The following ERC2 variants were observed in gnomAD, a reference collection of about 807,000 sequenced individuals.
ERC2 encodes ELKS/RAB6-interacting/CAST family member 2, also known as ERC protein 2.
In ERC2, 42 loss-of-function variants were observed where a neutral mutation model predicts 114.8. That is an observed-to-expected ratio of 0.37 (90% CI 0.29 to 0.47). The LOEUF is 0.47. Among genes scored for constraint, ERC2 ranks in the 20% least tolerant of loss-of-function variants. The pLI is 0.99. For synonymous variants in ERC2, 454 were observed against 425.5 expected (o/e 1.07, Z -0.82); for missense variants, 939 against 1,150.7 (o/e 0.82, Z 2.66).
intron 14 of ERC2, among the ~76,000 whole-genome samples, chr3:55,744,526 A>G (rs1372170774): frequency 6.6e-6 from 1 of 152,256 alleles, no homozygotes; most frequent in Admixed American, 6.5e-5. Context: ...ATGTTTGCAC[A>G]GGAATGTGAC....
chr3:55,703,419 A>G (rs1315441951), intron 15 of ERC2, among the ~76,000 whole-genome samples: 2 of 152,084 alleles, frequency 1.3e-5, no homozygotes, highest in Non-Finnish European at 2.9e-5. Flanking sequence ...CTTAGCTTCA[A>G]TGCCATCATC....
At chr3:55,694,477 C>T (rs571896531) in intron 16 of ERC2, among the ~76,000 whole-genome samples, 1 of 152,330 alleles carries the variant, frequency 6.6e-6, no homozygotes, top group African/African-American at 2.4e-5. Context: ...TGCTCCTAAA[C>T]TCATAGCCCT....
At chr3:56,104,417 AC>A (rs2078532866) in intron 6 of ERC2, among the ~76,000 whole-genome samples, 1 of 152,188 alleles carries the variant, frequency 6.6e-6, no homozygotes, top group Non-Finnish European at 1.5e-5. Context: ...TTGAGGCCAA[AC>A]CCCAAAGACC....
At chr3:56,016,189 G>A (rs987237417) in intron 8 of ERC2, among the ~76,000 whole-genome samples, 1 of 152,060 alleles carries the variant, frequency 6.6e-6, no homozygotes, top group Non-Finnish European at 1.5e-5. Flanking sequence ...TTCTTTTGCT[G>A]TGCAAAAGCT....
chr3:55,609,323 C>T (rs1195015106), intron 17 of ERC2, among the ~76,000 whole-genome samples: 1 of 152,198 alleles, frequency 6.6e-6, no homozygotes, highest in Non-Finnish European at 1.5e-5. Flanking sequence ...AGCCAATTAG[C>T]TTCCAGCATT....
chr3:55,896,613 G>A (rs943673943), intron 13 of ERC2, among the ~76,000 whole-genome samples: 1 of 152,204 alleles, frequency 6.6e-6, no homozygotes, highest in Non-Finnish European at 1.5e-5. Flanking sequence ...GTCATTTTCA[G>A]TGAAAACAGG....
At chr3:56,297,617 A>G (rs900950661) in intron 2 of ERC2, among the ~76,000 whole-genome samples, 3 of 152,244 alleles carry the variant, frequency 2.0e-5, no homozygotes, top group Non-Finnish European at 4.4e-5. Flanking sequence ...CCTATGGACA[A>G]GCCAAGATGC....
In ERC2 at chr3:55,888,406, C is replaced by T; in HGVS notation, c.2547G>A (p.Glu849=). 1.2e-6 allele frequency: 2 copies of T among 1,613,866 alleles called. No homozygotes were observed. Among genetic ancestry groups the T allele is most frequent in the South Asian group, 1.1e-5 (1 of 91,072 alleles). Residue 849 remains glutamate, a synonymous_variant, in exon 14 of 18, where the codon GAG becomes GAA. Transcript: ENST00000288221. ...GTACTCACTTCATCTCCAGGATCTC[C>T]TCCAGCTGTTTCCTCCTCTCAATCC... is the stretch of plus-strand genomic sequence containing the variant. ...NLRIERRKQL[E]EILEMKQEAL...
intron 2 of ERC2, among the ~76,000 whole-genome samples, chr3:56,401,357 T>C (rs1576776038): frequency 6.6e-6 from 1 of 152,174 alleles, no homozygotes; most frequent in African/African-American, 2.4e-5. Flanking sequence ...TAAAAACTAG[T>C]CCCAATATTA....
intron 14 of ERC2, among the ~76,000 whole-genome samples, chr3:55,762,890 T>A (rs2149000403): frequency 2.0e-5 from 3 of 152,346 alleles, no homozygotes; most frequent in Middle Eastern, 6.8e-3. Flanking sequence ...TAGCTCAAGA[T>A]GACAGAACCA....
intron 12 of ERC2, among the ~76,000 whole-genome samples, chr3:55,978,420 A>G (rs1576432312): frequency 6.6e-6 from 1 of 152,344 alleles, no homozygotes; most frequent in South Asian, 2.1e-4. Flanking sequence ...CTTTTCCTCA[A>G]AAATCTCTCA....
chr3:56,021,535 G>A (rs1170214159), intron 7 of ERC2, among the ~76,000 whole-genome samples: 1 of 152,052 alleles, frequency 6.6e-6, no homozygotes, highest in Non-Finnish European at 1.5e-5. Flanking sequence ...AGCAGTTACA[G>A]ATTGTTGGCA....
At chr3:55,651,820 C>T (rs899576840) in intron 17 of ERC2, among the ~76,000 whole-genome samples, 3 of 152,172 alleles carry the variant, frequency 2.0e-5, no homozygotes, top group African/African-American at 7.2e-5. Flanking sequence ...CACACACAGG[C>T]TTATACCAAA....
intron 12 of ERC2, among the ~76,000 whole-genome samples, chr3:55,967,740 G>A (rs2068847770): frequency 1.3e-5 from 2 of 152,202 alleles, no homozygotes; most frequent in African/African-American, 4.8e-5. Flanking sequence ...AGGTGTTTGG[G>A]TCATGGAGGC....
At chr3:56,144,844 A>T (rs1490999389) in intron 5 of ERC2, among the ~76,000 whole-genome samples, 1 of 151,982 alleles carries the variant, frequency 6.6e-6, no homozygotes, top group African/African-American at 2.4e-5. Context: ...ACATAGTTAC[A>T]GGGTAAAAAA....
chr3:55,666,529 T>C (rs1029645219), intron 17 of ERC2, among the ~76,000 whole-genome samples: 11 of 152,138 alleles, frequency 7.2e-5, no homozygotes, highest in African/African-American at 2.4e-4. Context: ...AATCCAGGAA[T>C]GACATGTAGG....
Position 56,418,007 on chromosome 3 carries a change from GC to G in ERC2, c.657+16343del, listed in dbSNP as rs920226280. On this transcript the variant is annotated intron_variant, in intron 2 of 17. Coordinates refer to ENST00000288221, the MANE Select transcript of ERC2 (RefSeq NM_015576.3). ...GTACTGAAATAAGATTTGGAAAGGG[GC>G]CGGGGCAGTGGCTCATGTCTGTAAT... 7.2e-5 allele frequency among the ~76,000 whole-genome samples: 11 copies of G among 152,092 alleles called. No individual in the cohort carries two copies. The East Asian group carries it at 1.9e-3, about 27-fold the overall frequency.
intron 17 of ERC2, among the ~76,000 whole-genome samples, chr3:55,624,074 G>A (rs1199528786): frequency 6.6e-6 from 1 of 152,164 alleles, no homozygotes; most frequent in East Asian, 1.9e-4. Flanking sequence ...CAAGAGAGAG[G>A]GGTTTATGGC....
At chr3:56,191,277 T>C (rs935657662) in intron 3 of ERC2, among the ~76,000 whole-genome samples, 3 of 152,086 alleles carry the variant, frequency 2.0e-5, no homozygotes, top group Admixed American at 6.5e-5. Context: ...GGCCTCAGTG[T>C]TGGAGCAAGA....
Sources: allele counts gnomAD v4.1 joint callset (sites outside exome capture counted in the v4.1 genomes callset), GRCh38; gene constraint gnomAD v4.1.1; transcripts MANE v1.5; gene names NCBI Gene and HGNC (gene_info 2026-07-23, HGNC 2026-07-21).